GPD2: variants seen among roughly 807,000 people sequenced by gnomAD.
The protein encoded by GPD2 is glycerol-3-phosphate dehydrogenase, mitochondrial.
Under a neutral mutation model 82.4 loss-of-function variants are expected in GPD2, and 54 were observed. That is an observed-to-expected ratio of 0.66 (90% CI 0.53 to 0.82). The LOEUF is 0.82. Ranked by LOEUF, GPD2 falls within the 40% of genes least tolerant of loss-of-function variation. The pLI is 0.00. For synonymous variants in GPD2, 288 were observed against 306.1 expected, an observed-to-expected ratio of 0.94 and a Z score of 0.62; for missense variants, 748 against 896.2, an observed-to-expected ratio of 0.83 and a Z score of 2.11.
chr2:156,571,135 T>C lies in GPD2; in HGVS notation c.1610T>C (p.Val537Ala). ...VSEFPYIEAE[V>A]KYGIKEYACT... ...AATTTTTCTTTAATTCAAACTCAGGTGAAATATGGGATTAAGGAGTATGCC... is the reference window on the plus strand; with the variant it reads ...AATTTTTCTTTAATTCAAACTCAGGCGAAATATGGGATTAAGGAGTATGCC... Residue 537 changes from valine (V) to alanine (A), a missense_variant and splice_region_variant, in exon 13 of 17, where the codon GTG (valine) becomes GCG (alanine). Physicochemically the swap from Val to Ala is moderately conservative, Grantham distance 64. Transcript: ENST00000438166. The C allele has an allele frequency of 6.3e-7, 1 of 1,595,944 alleles. No homozygotes were observed. The highest frequency in any genetic ancestry group is 8.6e-7 in the Non-Finnish European group (1 of 1,163,488).
At chr2:156,451,671 C>T (rs1279691103) in intron 1 of GPD2, among the ~76,000 whole-genome samples, 2 of 141,618 alleles carry the variant, frequency 1.4e-5, no homozygotes, top group South Asian at 2.3e-4. Flanking sequence ...ACCTCCCGGA[C>T]GGGGCAGCTG....
chr2:156,582,378 TA>T (rs1280279455), intron 16 of GPD2, among the ~76,000 whole-genome samples: 2 of 150,228 alleles, frequency 1.3e-5, no homozygotes, highest in South Asian at 4.2e-4. Flanking sequence ...ACAGTAACAT[TA>T]AAAAAAAGGG....
intron 6 of GPD2, among the ~76,000 whole-genome samples, chr2:156,542,551 A>G (rs189372201): frequency 1.5e-3 from 236 of 152,312 alleles, no homozygotes; most frequent in African/African-American, 5.1e-3. Context: ...GCCCCTGATA[A>G]ATATACATAA....
At chr2:156,531,527 A>C (rs1266681779) in intron 6 of GPD2, among the ~76,000 whole-genome samples, 2 of 152,238 alleles carry the variant, frequency 1.3e-5, no homozygotes, top group African/African-American at 4.8e-5. Context: ...TCTCATTTGC[A>C]AAACCAGCTG....
At chr2:156,420,241 G>A in the GPD2 span, among the ~76,000 whole-genome samples, 3 of 151,456 alleles carry the variant, frequency 2.0e-5, no homozygotes, top group African/African-American at 7.3e-5. Flanking sequence ...GCGTGATCTC[G>A]GCTCACTGCA....
At chr2:156,533,362 T>A (rs1384264384) in intron 6 of GPD2, among the ~76,000 whole-genome samples, 2 of 152,218 alleles carry the variant, frequency 1.3e-5, no homozygotes, top group Non-Finnish European at 2.9e-5. Flanking sequence ...TGTTGGAGCA[T>A]TTGACAGCAG....
In GPD2 at chr2:156,516,125, T is replaced by C. The variant is rs562462473; in HGVS notation, c.661+2629T>C. On this transcript the variant is annotated intron_variant, in intron 6 of 16. Coordinates refer to ENST00000438166, the MANE Select transcript of GPD2 (RefSeq NM_000408.5). ...AGGAAAATATTTCAATGTGAACTTT[T>C]ATCATTGCAAACCCAAGTCTAAACA... Among the ~76,000 whole-genome samples, 4 of 152,354 alleles carry C rather than the reference T, an allele frequency of 2.6e-5. No homozygotes were observed. In the East Asian group the frequency reaches 7.7e-4, roughly 29 times the overall value.
chr2:156,471,149 T>C (rs959189189), intron 1 of GPD2, among the ~76,000 whole-genome samples: 2 of 152,248 alleles, frequency 1.3e-5, no homozygotes, highest in African/African-American at 4.8e-5. Flanking sequence ...TTCAGTCTCT[T>C]CCTGCTGCCT....
intron 5 of GPD2, among the ~76,000 whole-genome samples, chr2:156,512,518 A>G (rs1403808837): frequency 1.3e-5 from 2 of 152,150 alleles, no homozygotes; most frequent in African/African-American, 4.8e-5. Flanking sequence ...CTATCTCTAG[A>G]TTTTAAAGGC....
chr2:156,433,235 C>G (rs926754798), upstream of GPD2, among the ~76,000 whole-genome samples: 1 of 152,174 alleles, frequency 6.6e-6, no homozygotes, highest in African/African-American at 2.4e-5. Context: ...AGACCTCCCT[C>G]TTGCCTGGGG....
chr2:156,579,707 G>A lies in GPD2; in HGVS notation c.1977G>A (p.Met659Ile). 6.9e-7 allele frequency: 1 copy of A among 1,458,810 alleles called. No individual in the cohort carries two copies. Among genetic ancestry groups the A allele is most frequent in the East Asian group, 2.3e-5 (1 of 44,130 alleles). 90.4% of individuals were successfully genotyped at this position (1,458,810 alleles called of 1,614,324 possible). ...QRVLESINVQ[M>I]DENTLHEILN... is the part of the protein sequence containing the mutation. ...TTACTTAGAGTATCAATGTCCAAAT[G>A]GATGAAAATACACTCCATGAAATTC... The change falls in exon 16 of 17, where the codon ATG (methionine) becomes ATA (isoleucine). Residue 659 changes from methionine (M) to isoleucine (I), a missense_variant. Coordinates refer to ENST00000438166, the MANE Select transcript of GPD2 (RefSeq NM_000408.5).
At chr2:156,434,495 G>A (rs1452387336), upstream of GPD2, among the ~76,000 whole-genome samples, 1 of 152,142 alleles carries the variant, frequency 6.6e-6, no homozygotes, top group South Asian at 2.1e-4. Flanking sequence ...ATTGTCTATA[G>A]ATTGTTCTTC....
the GPD2 span, among the ~76,000 whole-genome samples, chr2:156,415,671 C>T: frequency 2.5e-4 from 38 of 151,908 alleles, no homozygotes; most frequent in Admixed American, 7.9e-4. Context: ...GCCTGACCAA[C>T]GTGGAAAAAC....
chr2:156,569,616 G>GA, intron 11 of GPD2, 78 bp downstream of exon 11: 6 of 1,015,286 alleles, frequency 5.9e-6, no homozygotes, highest in Non-Finnish European at 9.4e-6. Context: ...GCAGCAATCA[G>GA]GTCTCCCTGA....
intron 6 of GPD2, among the ~76,000 whole-genome samples, chr2:156,548,935 C>T (rs1686651158): frequency 6.6e-6 from 1 of 152,034 alleles, no homozygotes; most frequent in African/African-American, 2.4e-5. Context: ...CCCTTCTCCT[C>T]CCCCTTAGTT....
the GPD2 span, among the ~76,000 whole-genome samples, chr2:156,400,727 CA>C: frequency 1.3e-5 from 2 of 152,200 alleles, no homozygotes; most frequent in Non-Finnish European, 2.9e-5. Flanking sequence ...CTAGAGCTAG[CA>C]GACTGAATGA....
chr2:156,493,826 A>G (rs138912018), intron 2 of GPD2, among the ~76,000 whole-genome samples: 1 of 152,000 alleles, frequency 6.6e-6, no homozygotes, highest in Non-Finnish European at 1.5e-5. Context: ...GAAACCCTCA[A>G]ATGAAAGACT....
chr2:156,497,332 A>G (rs1481758307), intron 3 of GPD2, among the ~76,000 whole-genome samples: 1 of 152,198 alleles, frequency 6.6e-6, no homozygotes, highest in Non-Finnish European at 1.5e-5. Flanking sequence ...TATAGATAGT[A>G]TTATAGCTAC....
At chr2:156,405,922 TAC>T in the GPD2 span, among the ~76,000 whole-genome samples, 1 of 152,196 alleles carries the variant, frequency 6.6e-6, no homozygotes, top group Non-Finnish European at 1.5e-5. Context: ...TTGCTCAAGG[TAC>T]CAAGTTCCTA....
Sources: gnomAD v4.1 joint callset for allele counts (sites outside exome capture counted in the v4.1 genomes callset) on GRCh38, gnomAD v4.1.1 for gene constraint, MANE v1.5 for transcripts, NCBI Gene and HGNC (gene_info 2026-07-23, HGNC 2026-07-21) for gene names.